The following MLIP variants were observed in gnomAD, a reference collection of about 807,000 sequenced individuals.
MLIP encodes the protein muscular LMNA-interacting protein.
Under a neutral mutation model 84.8 loss-of-function variants are expected in MLIP, and 79 were observed. The observed-to-expected ratio is 0.93, with a 90% confidence interval of 0.78 to 1.12. The LOEUF (loss-of-function observed/expected upper bound fraction) is 1.12. Among genes scored for constraint, MLIP ranks in the 50% most tolerant of loss-of-function variants. The pLI is 0.00. For synonymous variants in MLIP, 504 were observed against 463.0 expected, an observed-to-expected ratio of 1.09 and a Z score of -1.14; for missense variants, 1,257 against 1,160.6, an observed-to-expected ratio of 1.08 and a Z score of -1.21.
chr6:54,127,227 GAA>G (rs60281395), intron 3 of MLIP, among the ~76,000 whole-genome samples: 7 of 151,840 alleles, frequency 4.6e-5, no homozygotes, highest in African/African-American at 7.3e-5. Context: ...TTTAGTGGGG[GAA>G]AAAATTCTCC....
At chr6:54,159,348 T>A (rs1774374258) in intron 5 of MLIP, among the ~76,000 whole-genome samples, 2 of 152,030 alleles carry the variant, frequency 1.3e-5, no homozygotes, top group South Asian at 2.1e-4. Context: ...AAATCGAAAT[T>A]TGAATTAATT....
intron 1 of MLIP, chr6:54,079,872 A>G (rs1767025368): frequency 6.6e-6 from 1 of 152,246 alleles, no homozygotes; most frequent in Admixed American, 6.5e-5. Context: ...TCATAGTATC[A>G]GTTGTCCCTC....
At chr6:54,121,161 CTG>C (rs1413270619) in intron 1 of MLIP, among the ~76,000 whole-genome samples, 4 of 152,164 alleles carry the variant, frequency 2.6e-5, no homozygotes, top group Non-Finnish European at 4.4e-5. Flanking sequence ...CAGAAATGCT[CTG>C]TGAGATTCCA....
At chr6:54,166,094 C>T (rs775010028) in intron 8 of MLIP, among the ~76,000 whole-genome samples, 5 of 151,862 alleles carry the variant, frequency 3.3e-5, no homozygotes, top group South Asian at 4.1e-4. Context: ...TTTGTTATAG[C>T]GGCCCAAATG....
chr6:54,083,075 G>C (rs952228012), intron 1 of MLIP, among the ~76,000 whole-genome samples: 1 of 152,066 alleles, frequency 6.6e-6, no homozygotes, highest in Non-Finnish European at 1.5e-5. Flanking sequence ...AAAACTGTCT[G>C]AATTAATTTG....
At chr6:54,088,480 C>A (rs1256546937) in intron 1 of MLIP, among the ~76,000 whole-genome samples, 1 of 152,104 alleles carries the variant, frequency 6.6e-6, no homozygotes, top group Admixed American at 6.6e-5. Context: ...AGATAAATGT[C>A]CCTCATCCCC....
chr6:54,160,643 CT>C, intron 7 of MLIP, 44 bp downstream of exon 7: 1 of 1,551,676 alleles, frequency 6.4e-7, no homozygotes, highest in Non-Finnish European at 8.9e-7. Flanking sequence ...ATTTGCTTTG[CT>C]TCTCTTCATT....
At chr6:54,035,118 C>T (rs1388893441) in intron 1 of MLIP, among the ~76,000 whole-genome samples, 2 of 152,052 alleles carry the variant, frequency 1.3e-5, no homozygotes. Flanking sequence ...TAGATTATAC[C>T]ATCTCAGTTT....
intron 1 of MLIP, among the ~76,000 whole-genome samples, chr6:54,020,140 G>A (rs1007144848): frequency 2.6e-5 from 4 of 152,166 alleles, no homozygotes; most frequent in African/African-American, 7.2e-5. Context: ...ATCAGAAAGG[G>A]CTTGGTGAAA....
At chr6:54,152,609 C>T (rs987144413) in intron 5 of MLIP, among the ~76,000 whole-genome samples, 1 of 152,128 alleles carries the variant, frequency 6.6e-6, no homozygotes, top group Non-Finnish European at 1.5e-5. Flanking sequence ...GTCCCTCCCA[C>T]AACACATGGG....
intron 3 of MLIP, among the ~76,000 whole-genome samples, chr6:54,132,647 G>T (rs1324809214): frequency 6.6e-6 from 1 of 152,066 alleles, no homozygotes; most frequent in East Asian, 1.9e-4. Flanking sequence ...GGAAGCCAAG[G>T]TCCAAACAAC....
At chr6:54,098,851 C>A (rs911998067) in intron 1 of MLIP, among the ~76,000 whole-genome samples, 2 of 152,146 alleles carry the variant, frequency 1.3e-5, no homozygotes, top group African/African-American at 4.8e-5. Context: ...GCGGTAGCTA[C>A]TCTTATTATC....
intron 1 of MLIP, among the ~76,000 whole-genome samples, chr6:54,035,727 A>G (rs1764395119): frequency 6.6e-6 from 1 of 152,176 alleles, no homozygotes; most frequent in East Asian, 1.9e-4. Flanking sequence ...GGTGTTGAAC[A>G]TCTTTTCATG....
At chr6:54,075,731 C>A (rs1766764017) in intron 1 of MLIP, among the ~76,000 whole-genome samples, 1 of 152,174 alleles carries the variant, frequency 6.6e-6, no homozygotes, top group South Asian at 2.1e-4. Context: ...TCACAAAGAG[C>A]AGTTTCCTCT....
chr6:54,081,400 T>TG (rs1262379215), intron 1 of MLIP, among the ~76,000 whole-genome samples: 4 of 152,206 alleles, frequency 2.6e-5, no homozygotes, highest in African/African-American at 9.6e-5. Context: ...CATATTTTTT[T>TG]TTTGTTTGTT....
Position 54,064,490 on chromosome 6 carries a change from T to C in MLIP, c.63+45399T>C, listed in dbSNP as rs1278168413. Among the ~76,000 whole-genome samples the C allele has an allele frequency of 2.0e-5, 2 of 99,920 alleles. 1 individual carries two copies. The allele number at this position is 99,920 out of a possible 152,430, so 65.6% of individuals were successfully genotyped here. On this transcript the variant is annotated intron_variant, in intron 1 of 12. Transcript: ENST00000274897. ...TTTGGTAACTACAAGAATAAACATATCTCTTCCACCCCCTAAACACCCACC... is the reference window on the plus strand; with the variant it reads ...TTTGGTAACTACAAGAATAAACATACCTCTTCCACCCCCTAAACACCCACC...
chr6:54,155,717 G>A (rs1016652821), intron 5 of MLIP, among the ~76,000 whole-genome samples: 1 of 152,036 alleles, frequency 6.6e-6, no homozygotes, highest in African/African-American at 2.4e-5. Context: ...ACTTTGATTT[G>A]CAATGCTTTT....
intron 8 of MLIP, among the ~76,000 whole-genome samples, chr6:54,165,486 C>G (rs181382478): frequency 6.6e-6 from 1 of 151,858 alleles, no homozygotes; most frequent in Non-Finnish European, 1.5e-5. Context: ...AGATTTTAGC[C>G]CCTCAGTTCA....
chr6:54,107,146 A>AT (rs1769076587), upstream of MLIP, among the ~76,000 whole-genome samples: 1 of 152,180 alleles, frequency 6.6e-6, no homozygotes, highest in Non-Finnish European at 1.5e-5. Flanking sequence ...TTTTTTCTGA[A>AT]TATCTTGTTA....
Sources: allele counts gnomAD v4.1 joint callset (sites outside exome capture counted in the v4.1 genomes callset), GRCh38; gene constraint gnomAD v4.1.1; transcripts MANE v1.5; gene names NCBI Gene and HGNC (gene_info 2026-07-23, HGNC 2026-07-21).